The following GABRB1 variants were observed in gnomAD, a reference collection of about 807,000 sequenced individuals.
GABRB1 encodes the protein gamma-aminobutyric acid type A receptor subunit beta1.
In GABRB1, 17 loss-of-function variants were observed where a neutral mutation model predicts 51.6. The ratio of observed to expected loss-of-function variants is 0.33; its 90% CI spans 0.23 to 0.49. The LOEUF (loss-of-function observed/expected upper bound fraction) is 0.49, where lower values mean the gene tolerates loss of function less well. Ranked by LOEUF, GABRB1 falls within the 20% of genes least tolerant of loss-of-function variation. The pLI, the probability that GABRB1 is intolerant of heterozygous loss-of-function variation, is 0.99. For missense variants in GABRB1, 410 were observed against 600.6 expected, an observed-to-expected ratio of 0.68 and a Z score of 3.32; for synonymous variants, 247 against 218.9, an observed-to-expected ratio of 1.13 and a Z score of -1.14.
intron 8 of GABRB1, among the ~76,000 whole-genome samples, chr4:47,411,603 T>C (rs976473996): frequency 1.3e-5 from 2 of 152,170 alleles, no homozygotes; most frequent in Non-Finnish European, 2.9e-5. Context: ...GCTTGTTACA[T>C]GAATCTACAT....
At chr4:47,391,930 G>T (rs528880596) in intron 5 of GABRB1, among the ~76,000 whole-genome samples, 20 of 152,274 alleles carry the variant, frequency 1.3e-4, no homozygotes, top group African/African-American at 4.3e-4. Flanking sequence ...AAAGGGTAGA[G>T]ATAAACACAA....
At chr4:47,161,908 A>C (rs1717971518) in intron 4 of GABRB1, among the ~76,000 whole-genome samples, 1 of 152,082 alleles carries the variant, frequency 6.6e-6, no homozygotes, top group Non-Finnish European at 1.5e-5. Context: ...ACGGGTCAAA[A>C]TATAACAATT....
Position 47,318,485 on chromosome 4 carries a change from T to C in GABRB1, c.462-1642T>C, listed in dbSNP as rs113495580. Among the ~76,000 whole-genome samples the C allele has an allele frequency of 1.5e-3, 224 of 152,130 alleles. 2 individuals carry two copies. Among genetic ancestry groups the C allele is most frequent in the African/African-American group, 5.2e-3 (215 of 41,538 alleles). On this transcript the variant is annotated intron_variant, in intron 4 of 8. Coordinates refer to ENST00000295454, the MANE Select transcript of GABRB1 (RefSeq NM_000812.4). ...AAAACCAGCCTTCTGTGACTGATGGTGCCTCACACTTCCCACTATTAGAGA... is the reference window on the plus strand; with the variant it reads ...AAAACCAGCCTTCTGTGACTGATGGCGCCTCACACTTCCCACTATTAGAGA...
At chr4:47,354,140 A>T (rs1726464494) in intron 5 of GABRB1, among the ~76,000 whole-genome samples, 1 of 152,132 alleles carries the variant, frequency 6.6e-6, no homozygotes, top group African/African-American at 2.4e-5. Flanking sequence ...TAATCCAGCA[A>T]TTAGGGGAGA....
intron 8 of GABRB1, among the ~76,000 whole-genome samples, chr4:47,410,554 G>A (rs1728727622): frequency 6.6e-6 from 1 of 152,200 alleles, no homozygotes; most frequent in Non-Finnish European, 1.5e-5. Flanking sequence ...CATGGAGTTT[G>A]ATTGTTCCAG....
At position 47,080,449 on chromosome 4, in the gene GABRB1, GC is replaced by G. The variant is rs546878899; in HGVS notation, c.240+47966del. Among the ~76,000 whole-genome samples the G allele has an allele frequency of 9.3e-4, 141 of 152,246 alleles. 2 individuals are homozygous for G. The highest frequency in any genetic ancestry group is 1.7e-3 in the Non-Finnish European group (119 of 68,018). ...TAATGTAGGTGTTAGGACAGTGAGA[GC>G]AAAGAGTAATTATGAAGTATTAAGT... is the stretch of plus-strand genomic sequence containing the variant. On this transcript the variant is annotated intron_variant, in intron 3 of 8. Transcript: ENST00000295454.
In GABRB1 at chr4:47,352,573, C is replaced by A. The variant is rs1245325407; in HGVS notation, c.544+32364C>A. 2.0e-5 allele frequency among the ~76,000 whole-genome samples: 3 copies of A among 152,158 alleles called. No homozygotes were observed. In the East Asian group the frequency reaches 5.8e-4, roughly 29 times the overall value. Reference sequence around the variant, plus strand: ...CATCAAAAAGCTTATCCACCATGATCAAGTGGGCTTCATCCCTGGGATGCA... The same window carrying A: ...CATCAAAAAGCTTATCCACCATGATAAAGTGGGCTTCATCCCTGGGATGCA... On this transcript the variant is annotated intron_variant, in intron 5 of 8. Transcript: ENST00000295454.
chr4:47,113,121 C>G (rs4695191), intron 3 of GABRB1, among the ~76,000 whole-genome samples: 6 of 151,938 alleles, frequency 3.9e-5, no homozygotes, highest in Non-Finnish European at 7.4e-5. Context: ...TGCAGTGGTT[C>G]GCGCCTGTAA....
chr4:47,031,763 T>C (rs769612012), intron 1 of GABRB1, 32 bp downstream of exon 1: 1 of 1,574,948 alleles, frequency 6.3e-7, no homozygotes, highest in South Asian at 1.1e-5. Context: ...TCGCTCTCTC[T>C]CTCTCTCTCT....
At chr4:47,338,517 G>A (rs1725777737) in intron 5 of GABRB1, among the ~76,000 whole-genome samples, 1 of 151,958 alleles carries the variant, frequency 6.6e-6, no homozygotes, top group South Asian at 2.1e-4. Flanking sequence ...TGCTTTTTTT[G>A]TCAAGTCCAC....
At chr4:47,172,075 A>C (rs1394436314) in intron 4 of GABRB1, among the ~76,000 whole-genome samples, 1 of 152,058 alleles carries the variant, frequency 6.6e-6, no homozygotes, top group Non-Finnish European at 1.5e-5. Context: ...GCACTATAAC[A>C]CTCTAGATAT....
At chr4:47,364,534 G>A (rs1460037283) in intron 5 of GABRB1, among the ~76,000 whole-genome samples, 1 of 150,726 alleles carries the variant, frequency 6.6e-6, no homozygotes, top group Admixed American at 6.6e-5. Flanking sequence ...AGAAAATAAA[G>A]CAAAATTTCA....
At chr4:47,156,977 A>G (rs1717734491) in intron 3 of GABRB1, among the ~76,000 whole-genome samples, 1 of 152,088 alleles carries the variant, frequency 6.6e-6, no homozygotes, top group Admixed American at 6.6e-5. Flanking sequence ...CAAAAAATAA[A>G]AATAAATTTT....
intron 5 of GABRB1, among the ~76,000 whole-genome samples, chr4:47,327,414 G>A (rs1725300474): frequency 6.6e-6 from 1 of 151,714 alleles, no homozygotes; most frequent in African/African-American, 2.4e-5. Context: ...TTAACCAACA[G>A]CCAGGTAAGG....
chr4:47,025,237 T>C (rs1203878910), intron 1 of GABRB1, among the ~76,000 whole-genome samples: 2 of 151,738 alleles, frequency 1.3e-5, no homozygotes, highest in Non-Finnish European at 2.9e-5. Flanking sequence ...CATATACTGA[T>C]TTATTTTCCT....
At chr4:47,193,375 G>A (rs933521903) in intron 4 of GABRB1, among the ~76,000 whole-genome samples, 5 of 152,152 alleles carry the variant, frequency 3.3e-5, no homozygotes, top group African/African-American at 9.7e-5. Context: ...CGCCTGCCTG[G>A]GCCTCCTAAA....
intron 5 of GABRB1, among the ~76,000 whole-genome samples, chr4:47,380,695 T>C (rs575892116): frequency 6.6e-6 from 1 of 152,354 alleles, no homozygotes; most frequent in South Asian, 2.1e-4. Flanking sequence ...CATGGGAATT[T>C]AACTGTACAT....
chr4:47,106,077 G>A (rs1714956908), intron 3 of GABRB1, among the ~76,000 whole-genome samples: 1 of 152,006 alleles, frequency 6.6e-6, no homozygotes, highest in South Asian at 2.1e-4. Flanking sequence ...AAGAAAAGCT[G>A]TAATTTTACA....
chr4:47,122,409 G>A (rs1356949019), intron 3 of GABRB1, among the ~76,000 whole-genome samples: 1 of 152,094 alleles, frequency 6.6e-6, no homozygotes, highest in Non-Finnish European at 1.5e-5. Flanking sequence ...ACAGGAACCA[G>A]AACAGATTTC....
Sources: gnomAD v4.1 joint callset for allele counts (sites outside exome capture counted in the v4.1 genomes callset) on GRCh38, gnomAD v4.1.1 for gene constraint, MANE v1.5 for transcripts, NCBI Gene and HGNC (gene_info 2026-07-23, HGNC 2026-07-21) for gene names.